Variants in TYW1B observed in about 807,000 individuals in gnomAD.
TYW1B encodes the protein S-adenosyl-L-methionine-dependent tRNA 4-demethylwyosine synthase TYW1B.
TYW1B carries 73 observed loss-of-function variants against 86.9 expected under a neutral mutation model. The ratio of observed to expected loss-of-function variants is 0.84; its 90% CI spans 0.70 to 1.02. The LOEUF (loss-of-function observed/expected upper bound fraction) is 1.02, where lower values mean the gene tolerates loss of function less well. Among genes scored for constraint, TYW1B ranks in the 50% least tolerant of loss-of-function variants. TYW1B has a pLI of 0.00. For missense variants in TYW1B, 637 were observed against 827.4 expected (o/e 0.77, Z 2.82); for synonymous variants, 248 against 292.8 (o/e 0.85, Z 1.56).
chr7:72,674,278 C>T lies in TYW1B; in HGVS notation c.1506+20409G>A, dbSNP rs188749974. On this transcript the variant is annotated intron_variant, in intron 11 of 13. Coordinates refer to ENST00000620995, the MANE Select transcript of TYW1B (RefSeq NM_001145440.3). ...TTAGTCCAAAAGTCTTTTTCGGTAC[C>T]CTAGGATCAAGAGGAAGAAGTGCAT... Among the ~76,000 whole-genome samples, 694 of 152,124 alleles carry T rather than the reference C, an allele frequency of 4.6e-3. 5 individuals are homozygous for T. The highest frequency in any genetic ancestry group is 0.016 in the African/African-American group (659 of 41,508).
intron 7 of TYW1B, among the ~76,000 whole-genome samples, chr7:72,752,904 T>C (rs535855807): frequency 6.6e-6 from 1 of 152,052 alleles, no homozygotes; most frequent in Admixed American, 6.6e-5. Context: ...GTGTGAAAAT[T>C]TGATGATCAA....
chr7:72,729,193 AC>A (rs1787060880), intron 8 of TYW1B, among the ~76,000 whole-genome samples: 1 of 151,968 alleles, frequency 6.6e-6, no homozygotes, highest in African/African-American at 2.4e-5. Context: ...TTGACAGAAC[AC>A]TCTCTGCTGC....
At chr7:72,731,214 T>C (rs1787100838) in intron 8 of TYW1B, among the ~76,000 whole-genome samples, 1 of 143,960 alleles carries the variant, frequency 6.9e-6, no homozygotes, top group African/African-American at 2.6e-5. Context: ...CAAGTAAAAA[T>C]TGAGAGAATT....
At chr7:72,743,597 A>C (rs573044190) in intron 8 of TYW1B, among the ~76,000 whole-genome samples, 2 of 152,294 alleles carry the variant, frequency 1.3e-5, no homozygotes, top group South Asian at 4.1e-4. Context: ...TAATCCCAGC[A>C]CTTTGGGAGG....
chr7:72,769,737 A>C (rs1299307203), intron 7 of TYW1B, among the ~76,000 whole-genome samples: 9 of 152,358 alleles, frequency 5.9e-5, no homozygotes, highest in Non-Finnish European at 1.3e-4. Flanking sequence ...CAAAGATGTG[A>C]ACAGACATTT....
At chr7:72,811,283 A>AAAAG (rs1274046230) in intron 3 of TYW1B, among the ~76,000 whole-genome samples, 3 of 104,808 alleles carry the variant, frequency 2.9e-5, no homozygotes, top group Admixed American at 1.0e-4. Context: ...AAAAAAAAAA[A>AAAAG]AAAGAAAGAA....
intron 11 of TYW1B, among the ~76,000 whole-genome samples, chr7:72,658,119 G>A (rs1183057866): frequency 5.9e-5 from 9 of 152,160 alleles, no homozygotes; most frequent in South Asian, 2.1e-4. Flanking sequence ...TTAGCCAGGT[G>A]TGGTGGCGGG....
rs1469280853 is a variant in TYW1B at position 72,657,604 on chromosome 7, T to C, written c.1507-28607A>G. Among the ~76,000 whole-genome samples the C allele has an allele frequency of 1.2e-4, 19 of 152,152 alleles. 1 individual carries two copies. Among genetic ancestry groups the C allele is most frequent in the Admixed American group, 1.2e-3 (19 of 15,264 alleles). ...TCTAAAAACAACAAGTGTCAAGTCA[T>C]ATATAAGGGAATCTCCATTAGACTA... On this transcript the variant is annotated intron_variant, in intron 11 of 13. Coordinates refer to ENST00000620995, the MANE Select transcript of TYW1B (RefSeq NM_001145440.3).
intron 6 of TYW1B, among the ~76,000 whole-genome samples, 162 bp from the exon 7 acceptor site, chr7:72,777,695 C>T (rs1263014381): frequency 6.6e-6 from 1 of 152,122 alleles, no homozygotes; most frequent in African/African-American, 2.4e-5. Flanking sequence ...GTAGGCGGAT[C>T]ACCTGAGGTC....
rs182514656 is a variant in TYW1B, at chr7:72,628,379, A to G, written c.1617+508T>C. On this transcript the variant is annotated intron_variant, in intron 12 of 13. Coordinates refer to ENST00000620995, the MANE Select transcript of TYW1B (RefSeq NM_001145440.3). ...GAAATAATTCTGGGTAAATGATATA[A>G]TTTTGGTGGTTTGCTTTAAAATAAT... 1.5e-3 allele frequency among the ~76,000 whole-genome samples: 222 copies of G among 152,236 alleles called. 1 individual carries two copies. Among genetic ancestry groups the G allele is most frequent in the African/African-American group, 4.8e-3 (200 of 41,546 alleles).
At chr7:72,809,621 C>T (rs1788562978) in intron 4 of TYW1B, among the ~76,000 whole-genome samples, 1 of 151,840 alleles carries the variant, frequency 6.6e-6, no homozygotes, top group Non-Finnish European at 1.5e-5. Flanking sequence ...CACTGCATTC[C>T]AGCCTGGATG....
chr7:72,686,716 T>C (rs190544751), intron 11 of TYW1B, among the ~76,000 whole-genome samples: 23 of 152,296 alleles, frequency 1.5e-4, no homozygotes, highest in Admixed American at 7.9e-4. Flanking sequence ...TGGCTGATAA[T>C]GATGGATCCG....
intron 11 of TYW1B, among the ~76,000 whole-genome samples, chr7:72,686,646 T>C (rs1708217907): frequency 6.6e-6 from 1 of 152,074 alleles, no homozygotes; most frequent in Non-Finnish European, 1.5e-5. Context: ...CACTATACAT[T>C]TGTCCACACC....
intron 12 of TYW1B, among the ~76,000 whole-genome samples, chr7:72,622,030 CT>C (rs1335699150): frequency 6.6e-6 from 1 of 152,224 alleles, no homozygotes; most frequent in Non-Finnish European, 1.5e-5. Context: ...CAAATAATTA[CT>C]GAGCACGTCC....
At chr7:72,613,401 C>CTTTTTTTTTTTTTTTTTTTTTTT in intron 13 of TYW1B, among the ~76,000 whole-genome samples, 1 of 80,966 alleles carries the variant, frequency 1.2e-5, no homozygotes, top group Admixed American at 1.7e-4. Flanking sequence ...TTTATATCTT[C>CTTTTTTTTTTTTTTTTTTTTTTT]TTTTTTTTTT....
intron 3 of TYW1B, among the ~76,000 whole-genome samples, chr7:72,813,232 A>C (rs1554478756): frequency 6.8e-6 from 1 of 147,186 alleles, no homozygotes; most frequent in Non-Finnish European, 1.5e-5. Context: ...CTAGAGGGCA[A>C]TGGCGCAATC....
At position 72,683,908 on chromosome 7, in the gene TYW1B, C is replaced by G. The variant is rs547688531; in HGVS notation, c.1506+10779G>C. On this transcript the variant is annotated intron_variant, in intron 11 of 13. Coordinates refer to ENST00000620995, the MANE Select transcript of TYW1B (RefSeq NM_001145440.3). ...TCAAAATCCTAAGAAAGAACAAAAC[C>G]GAAATGCTGGAGCTCTAAAACACTC... Among the ~76,000 whole-genome samples, 5 of 152,128 alleles carry G rather than the reference C, an allele frequency of 3.3e-5. No individual in the cohort carries two copies. In the South Asian group the frequency reaches 1.0e-3, roughly 32 times the overall value.
intron 9 of TYW1B, among the ~76,000 whole-genome samples, chr7:72,720,496 C>T (rs1450895236): frequency 6.6e-5 from 10 of 152,118 alleles, no homozygotes; most frequent in Admixed American, 2.0e-4. Context: ...AAAAAAAATT[C>T]TTGATGATCA....
At chr7:72,812,261 ATATTT>A (rs1788635475) in intron 3 of TYW1B, among the ~76,000 whole-genome samples, 1 of 152,100 alleles carries the variant, frequency 6.6e-6, no homozygotes. Context: ...ACTTTATACA[ATATTT>A]TTGACAATTT....
Sources: allele counts gnomAD v4.1 joint callset (sites outside exome capture counted in the v4.1 genomes callset), GRCh38; gene constraint gnomAD v4.1.1; transcripts MANE v1.5; gene names NCBI Gene and HGNC (gene_info 2026-07-23, HGNC 2026-07-21).